Variants in FBXO10 observed in about 807,000 individuals in gnomAD.
FBXO10 encodes the protein F-box protein 10, also known as F-box only protein 10.
A neutral mutation model predicts 80.7 loss-of-function variants in FBXO10; 39 were observed. That is an observed-to-expected ratio of 0.48 (90% confidence interval 0.37 to 0.63). The LOEUF (loss-of-function observed/expected upper bound fraction) is 0.63, where lower values mean the gene tolerates loss of function less well. Among genes scored for constraint, FBXO10 ranks in the 30% least tolerant of loss-of-function variants. FBXO10 has a pLI of 0.00. For missense variants in FBXO10, 1,025 were observed against 1,269.0 expected, an observed-to-expected ratio of 0.81 and a Z score of 2.92; for synonymous variants, 449 against 489.6, an observed-to-expected ratio of 0.92 and a Z score of 1.09.
Position 37,518,114 on chromosome 9 carries a change from G to C in FBXO10, c.2514+11C>G, listed in dbSNP as rs1163193107. 7 of 1,605,416 alleles carry C rather than the reference G, an allele frequency of 4.4e-6. No individual in the cohort carries two copies. The South Asian group carries it at 6.7e-5, about 15-fold the overall frequency. ...GGGCACCACACGTCACACACATGCA[G>C]ACATACTCACTTTAGTGTCGGACCT... is the stretch of plus-strand genomic sequence containing the variant. On this transcript the variant is annotated intron_variant, in intron 9 of 10. Transcript: ENST00000432825.
intron 3 of FBXO10, among the ~76,000 whole-genome samples, chr9:37,535,286 T>C (rs1821729588): frequency 6.6e-6 from 1 of 152,136 alleles, no homozygotes; most frequent in Non-Finnish European, 1.5e-5. Context: ...ACATGAGATA[T>C]CTGACTTCCA....
chr9:37,571,714 C>CATATATATATAT (rs71494672), intron 1 of FBXO10, among the ~76,000 whole-genome samples: 2,051 of 92,776 alleles, frequency 0.022, 80 homozygotes, highest in African/African-American at 0.052. Context: ...AAAAGAGAGC[C>CATATATATATAT]ATATATATAT....
Position 37,522,970 on chromosome 9 carries a change from G to A in FBXO10, c.1785C>T (p.Val595=). The A allele has an allele frequency of 6.3e-7, 1 of 1,593,894 alleles. No individual in the cohort carries two copies. Among genetic ancestry groups the A allele is most frequent in the Non-Finnish European group, 8.5e-7 (1 of 1,170,532 alleles). The stretch of plus-strand genomic sequence containing the variant: ...CACCTCCCCACTGATTCTCACGGAT[G>A]ACATTTTCTATGGAGAGAAGCAGAA... ...ENGKGLITEN[V]IRENQWGGVD... is the part of the protein sequence containing the mutation. Residue 595 remains valine (V), a synonymous_variant, in exon 7 of 11, where the codon GTC becomes GTT. Coordinates refer to ENST00000432825, the MANE Select transcript of FBXO10 (RefSeq NM_012166.3).
chr9:37,537,989 GT>G (rs767803586), intron 2 of FBXO10, 46 bp from the exon 3 acceptor site: 3 of 1,486,342 alleles, frequency 2.0e-6, no homozygotes, highest in Non-Finnish European at 2.8e-6. Context: ...GATGAGATTG[GT>G]TTTGGACTCT....
chr9:37,516,974 A>AC (rs1821193998), intron 9 of FBXO10, among the ~76,000 whole-genome samples: 1 of 151,342 alleles, frequency 6.6e-6, no homozygotes, highest in Admixed American at 6.6e-5. Context: ...AAAAAAAAAA[A>AC]CAAAAAAAAG....
At chr9:37,547,392 C>G (rs1349023528) in intron 1 of FBXO10, among the ~76,000 whole-genome samples, 2 of 151,964 alleles carry the variant, frequency 1.3e-5, no homozygotes, top group Admixed American at 1.3e-4. Context: ...GAGTTTGAGA[C>G]CAGCTTAGGC....
intron 1 of FBXO10, among the ~76,000 whole-genome samples, chr9:37,571,039 A>C (rs1588865279): frequency 6.6e-6 from 1 of 152,250 alleles, no homozygotes; most frequent in East Asian, 1.9e-4. Context: ...AGTAAATATG[A>C]AGGGATAAAC....
chr9:37,548,320 G>T (rs1472841821), intron 1 of FBXO10, among the ~76,000 whole-genome samples: 1 of 152,048 alleles, frequency 6.6e-6, no homozygotes, highest in Non-Finnish European at 1.5e-5. Flanking sequence ...GGGAGGCGGA[G>T]GTTGCAGTGA....
At chr9:37,536,492 G>C (rs1038504486) in intron 3 of FBXO10, among the ~76,000 whole-genome samples, 19 of 152,154 alleles carry the variant, frequency 1.2e-4, no homozygotes, top group African/African-American at 4.1e-4. Context: ...CTTAGCATAA[G>C]GCCCAAATGT....
intron 1 of FBXO10, among the ~76,000 whole-genome samples, chr9:37,549,760 A>G (rs1470621669): frequency 6.6e-6 from 1 of 152,212 alleles, no homozygotes; most frequent in Non-Finnish European, 1.5e-5. Flanking sequence ...TGTCACCTGC[A>G]CTTCCTGCAT....
intron 2 of FBXO10, among the ~76,000 whole-genome samples, chr9:37,539,657 C>T (rs966899328): frequency 2.0e-5 from 3 of 152,222 alleles, no homozygotes; most frequent in African/African-American, 4.8e-5. Context: ...CAGACCAGCA[C>T]CAGAGAAGTT....
In FBXO10 at chr9:37,537,243, C is replaced by T. The variant is rs1384623613; in HGVS notation, c.1286G>A (p.Gly429Asp). 2 of 1,613,902 alleles carry T rather than the reference C, an allele frequency of 1.2e-6. No individual in the cohort carries two copies. Among genetic ancestry groups the T allele is most frequent in the East Asian group, 2.2e-5 (1 of 44,884 alleles). Residue 429 changes from glycine to aspartate, a missense_variant, in exon 3 of 11, where the codon GGC becomes GAC. By Grantham distance (94) the Gly-to-Asp change is moderately conservative. Coordinates refer to ENST00000432825, the MANE Select transcript of FBXO10 (RefSeq NM_012166.3). Reference sequence around the variant, plus strand: ...GAAGAGGCACTTGCGGATGAGGCAGCCCTGCACGGAGTTGGCCAGTGCCAT... The same window carrying T: ...GAAGAGGCACTTGCGGATGAGGCAGTCCTGCACGGAGTTGGCCAGTGCCAT... ...EAMALANSVQ[G>D]CLIRKCLFRD...
chr9:37,522,598 G>GATAAAGC, intron 7 of FBXO10: 1 of 1,307,652 alleles, frequency 7.6e-7, no homozygotes, highest in South Asian at 1.7e-5. Context: ...TTTAAAAGGG[G>GATAAAGC]ATAAAGCCTT....
intron 1 of FBXO10, among the ~76,000 whole-genome samples, chr9:37,565,173 G>A (rs1360592920): frequency 6.6e-6 from 1 of 152,148 alleles, no homozygotes; most frequent in Non-Finnish European, 1.5e-5. Flanking sequence ...GTGAAGAGGT[G>A]CCTTTCACCA....
intron 1 of FBXO10, among the ~76,000 whole-genome samples, chr9:37,567,592 T>A (rs1170323797): frequency 6.6e-6 from 1 of 152,156 alleles, no homozygotes; most frequent in Non-Finnish European, 1.5e-5. Context: ...ATCTGTGAGT[T>A]TATATATATG....
chr9:37,572,509 G>A (rs12003396), intron 1 of FBXO10, among the ~76,000 whole-genome samples: 5,306 of 152,226 alleles, frequency 0.035, 290 homozygotes, highest in African/African-American at 0.12. Flanking sequence ...AAGTGAGGCC[G>A]CCACGTGGAT....
At position 37,537,612 on chromosome 9, in the gene FBXO10, G is replaced by C; in HGVS notation, c.917C>G (p.Pro306Arg). 2 of 1,613,964 alleles carry C rather than the reference G, an allele frequency of 1.2e-6. No homozygotes were observed. Among genetic ancestry groups the C allele is most frequent in the South Asian group, 1.1e-5 (1 of 91,086 alleles). ...CTCGATAACAATGTCACAGGTCTTT[G>C]GGCTCCAGGCCTGGTCCCGGCTCTC... The part of the protein sequence containing the change: ...DLESRDQAWS[P>R]KTCDIVIEGS... Residue 306 changes from proline (P) to arginine (R), a missense_variant, in exon 3 of 11, where the codon CCA becomes CGA. Transcript: ENST00000432825.
intron 1 of FBXO10, among the ~76,000 whole-genome samples, chr9:37,562,155 C>T (rs966051354): frequency 2.0e-5 from 3 of 152,164 alleles, no homozygotes; most frequent in African/African-American, 7.2e-5. Flanking sequence ...GCTCCATGTG[C>T]CCGTTCACCA....
At chr9:37,565,473 A>G (rs184370509) in intron 1 of FBXO10, among the ~76,000 whole-genome samples, 271 of 152,264 alleles carry the variant, frequency 1.8e-3, no homozygotes, top group Non-Finnish European at 2.8e-3. Context: ...ATTTCATCCT[A>G]TTCCCTGAAG....
Sources: allele counts gnomAD v4.1 joint callset (sites outside exome capture counted in the v4.1 genomes callset), GRCh38; gene constraint gnomAD v4.1.1; transcripts MANE v1.5; gene names NCBI Gene and HGNC (gene_info 2026-07-23, HGNC 2026-07-21).